Variants in CLXN observed in about 807,000 individuals in gnomAD.
CLXN encodes the protein calaxin.
At chr8:48,731,058 T>G in the CLXN span, among the ~76,000 whole-genome samples, 2 of 152,202 alleles carry the variant, frequency 1.3e-5, no homozygotes, top group African/African-American at 4.8e-5. Context: ...AATGTCCTTT[T>G]AAAACTATTC....
the CLXN span, among the ~76,000 whole-genome samples, chr8:48,717,899 A>G: frequency 6.6e-6 from 1 of 152,196 alleles, no homozygotes; most frequent in Non-Finnish European, 1.5e-5. Flanking sequence ...CCCAAAAACA[A>G]TCATTACAAA....
At chr8:48,712,588 G>A in the CLXN span, among the ~76,000 whole-genome samples, 1 of 152,252 alleles carries the variant, frequency 6.6e-6, no homozygotes, top group African/African-American at 2.4e-5. Context: ...GTGGAGCTGG[G>A]TCAGTGAGCT....
chr8:48,732,325 G>C, the CLXN span, among the ~76,000 whole-genome samples: 1 of 152,128 alleles, frequency 6.6e-6, no homozygotes, highest in African/African-American at 2.4e-5. Context: ...CTGTGATTGA[G>C]CATTTTAACA....
the CLXN span, chr8:48,715,203 T>A: frequency 3.3e-5 from 5 of 152,362 alleles, no homozygotes; most frequent in African/African-American, 7.2e-5. Context: ...ATCTGAAATA[T>A]TCTTCAGAGA....
At chr8:48,734,808 G>A in the CLXN span, 2 of 410,532 alleles carry the variant, frequency 4.9e-6, no homozygotes, top group Admixed American at 4.0e-5. Flanking sequence ...AACATCACAT[G>A]TTTCTATCAG....
At chr8:48,730,739 A>G in the CLXN span, 3 of 636,222 alleles carry the variant, frequency 4.7e-6, no homozygotes, top group Admixed American at 6.7e-5. Context: ...AATTAAGAGA[A>G]CACTTCAGCT....
chr8:48,729,627 G>C, the CLXN span: 1 of 1,206,846 alleles, frequency 8.3e-7, no homozygotes, highest in African/African-American at 1.5e-5. Context: ...TAAGCAAGCA[G>C]AGAACTGAAA....
the CLXN span, chr8:48,730,793 C>T: frequency 2.1e-6 from 1 of 467,062 alleles, no homozygotes; most frequent in Non-Finnish European, 3.8e-6. Flanking sequence ...GAAACTAAGA[C>T]ATCATAATAT....
chr8:48,712,117 C>T, the CLXN span: 1 of 152,182 alleles, frequency 6.6e-6, no homozygotes, highest in African/African-American at 2.4e-5. Context: ...CTTCCCAGTG[C>T]TTTTGGGCTA....
the CLXN span, chr8:48,729,178 G>C: frequency 6.6e-7 from 1 of 1,523,772 alleles, no homozygotes; most frequent in Non-Finnish European, 9.0e-7. Flanking sequence ...TAGGCAACAC[G>C]TAAAATGATT....
At chr8:48,715,637 C>G in the CLXN span, 1 of 152,224 alleles carries the variant, frequency 6.6e-6, no homozygotes, top group African/African-American at 2.4e-5. Context: ...ATGGTGCCCA[C>G]AGTCTTCACT....
chr8:48,734,634 T>G, the CLXN span: 1 of 154,662 alleles, frequency 6.5e-6, no homozygotes, highest in South Asian at 2.0e-4. Context: ...GTTGAGAAGT[T>G]GAGCACCGTT....
At chr8:48,725,285 G>A in the CLXN span, among the ~76,000 whole-genome samples, 1 of 152,126 alleles carries the variant, frequency 6.6e-6, no homozygotes, top group Non-Finnish European at 1.5e-5. Context: ...AAGGTGGGAG[G>A]GTGACCTTGC....
At chr8:48,713,206 C>T in the CLXN span, among the ~76,000 whole-genome samples, 1 of 152,176 alleles carries the variant, frequency 6.6e-6, no homozygotes, top group Non-Finnish European at 1.5e-5. Context: ...TCTATTACTT[C>T]TGCCTCTTTT....
At chr8:48,735,232 C>G in the CLXN span, 1 of 1,526,462 alleles carries the variant, frequency 6.6e-7, no homozygotes, top group South Asian at 1.1e-5. Context: ...CCCCGCGAGC[C>G]CTGGTGCTGG....
chr8:48,719,123 T>C, the CLXN span, among the ~76,000 whole-genome samples: 5 of 150,796 alleles, frequency 3.3e-5, no homozygotes, highest in Non-Finnish European at 7.4e-5. Context: ...GAAATAAAAA[T>C]GATCATAAAA....
the CLXN span, chr8:48,731,379 A>C: frequency 4.6e-5 from 74 of 1,612,832 alleles, no homozygotes; most frequent in Non-Finnish European, 5.9e-5. Context: ...CTGTCATTCC[A>C]AATGTCACAT....
chr8:48,727,773 A>G, the CLXN span, among the ~76,000 whole-genome samples: 11 of 152,190 alleles, frequency 7.2e-5, no homozygotes, highest in Non-Finnish European at 1.6e-4. Context: ...AGGGGATGAC[A>G]GTGGAAGCCA....
At chr8:48,720,025 T>A in the CLXN span, among the ~76,000 whole-genome samples, 2 of 152,216 alleles carry the variant, frequency 1.3e-5, no homozygotes, top group Non-Finnish European at 2.9e-5. Context: ...CATGGACATT[T>A]ATCAGTTCCC....
Sources: gnomAD v4.1 joint callset for allele counts (sites outside exome capture counted in the v4.1 genomes callset) on GRCh38, gnomAD v4.1.1 for gene constraint, MANE v1.5 for transcripts, NCBI Gene and HGNC (gene_info 2026-07-23, HGNC 2026-07-21) for gene names.